CNGA2: variants seen among roughly 807,000 people sequenced by gnomAD.
The protein encoded by CNGA2 is cyclic nucleotide-gated channel alpha-2.
A neutral mutation model predicts 35.9 loss-of-function variants in CNGA2; 22 were observed. That is an observed-to-expected ratio of 0.61 (90% CI 0.44 to 0.88). The LOEUF (loss-of-function observed/expected upper bound fraction) is 0.88, where lower values mean the gene tolerates loss of function less well. Among genes scored for constraint, CNGA2 ranks in the 40% least tolerant of loss-of-function variants. CNGA2 has a pLI of 0.00. For missense variants in CNGA2, 555 were observed against 530.8 expected, an observed-to-expected ratio of 1.05 and a Z score of -0.45; for synonymous variants, 217 against 209.2, an observed-to-expected ratio of 1.04 and a Z score of -0.32.
chrX:151,737,912 C>T (rs1193333648), intron 1 of CNGA2, among the ~76,000 whole-genome samples: 2 of 107,088 alleles, frequency 1.9e-5, no homozygotes, highest in Non-Finnish European at 3.9e-5. Flanking sequence ...CCCCACACCT[C>T]CCCAAGCCAC....
In CNGA2 at chrX:151,743,603, T is replaced by C. The variant is rs1395890143; in HGVS notation, c.1100T>C (p.Ile367Thr). 8.3e-7 allele frequency: 1 copy of C among 1,209,305 alleles called. No homozygotes were observed. The highest frequency in any genetic ancestry group is 1.1e-6 in the Non-Finnish European group (1 of 895,181). The change falls in exon 7 of 7, where the codon ATC (isoleucine) becomes ACC (threonine). Residue 367 changes from isoleucine to threonine, a missense_variant. Coordinates refer to ENST00000329903, the MANE Select transcript of CNGA2 (RefSeq NM_005140.3). ...ATTGGCGTCCTCATCTTTGCCACCA[T>C]CGTGGGAAATGTGGGCTCCATGATC... ...FLIGVLIFAT[I>T]VGNVGSMISN...
intron 5 of CNGA2, among the ~76,000 whole-genome samples, chrX:151,741,905 C>T (rs998661923): frequency 4.5e-5 from 5 of 112,093 alleles, no homozygotes; most frequent in African/African-American, 6.5e-5. Flanking sequence ...TCAGACTTAA[C>T]GGCTCTCCCC....
Position 151,736,458 on chromosome X carries a change from A to G in CNGA2, c.-27+1515A>G, listed in dbSNP as rs951657637. On this transcript the variant is annotated intron_variant, in intron 1 of 6. Transcript: ENST00000329903. Reference sequence around the variant, plus strand: ...AGGCTGCTTGGATGTGATAAAGGAAACAAGGAGTTACGGTTGACACCAGGC... The same window carrying G: ...AGGCTGCTTGGATGTGATAAAGGAAGCAAGGAGTTACGGTTGACACCAGGC... 2.7e-5 allele frequency among the ~76,000 whole-genome samples: 3 copies of G among 111,930 alleles called. No homozygotes were observed. The East Asian group carries it at 8.5e-4, about 32-fold the overall frequency.
intron 5 of CNGA2, among the ~76,000 whole-genome samples, chrX:151,741,654 C>T (rs749451511): frequency 2.7e-5 from 3 of 112,571 alleles, no homozygotes; most frequent in Non-Finnish European, 5.6e-5. Flanking sequence ...AAAGGGCAGT[C>T]AGGATCAGCG....
Position 151,738,444 on chromosome X carries a change from C to A in CNGA2, c.-26-14C>A. ...GGTCCTCTGTGACCTTCTTCTTGGCCCTCTTCCTGGCAGATAAGTGCTCTG... is the reference window on the plus strand; with the variant it reads ...GGTCCTCTGTGACCTTCTTCTTGGCACTCTTCCTGGCAGATAAGTGCTCTG... On this transcript the variant is annotated splice_polypyrimidine_tract_variant and intron_variant, in intron 1 of 6. Transcript: ENST00000329903. 9.1e-7 allele frequency: 1 copy of A among 1,099,891 alleles called. No homozygotes were observed. Among genetic ancestry groups the A allele is most frequent in the Non-Finnish European group, 1.3e-6 (1 of 797,419 alleles). 90.6% of individuals were successfully genotyped at this position (1,099,891 alleles called of 1,213,427 possible). A position where few individuals can be genotyped will look rare whatever the true frequency, so the allele number is the denominator to read the frequency against.
chrX:151,739,576 T>A lies in CNGA2; in HGVS notation c.218T>A (p.Val73Glu), dbSNP rs192241740. 1 of 1,209,432 alleles carries A rather than the reference T, an allele frequency of 8.3e-7. No homozygotes were observed. The highest frequency in any genetic ancestry group is 1.8e-5 in the African/African-American group (1 of 57,111). The change falls in exon 4 of 7, where the codon GTG (valine) becomes GAG (glutamate). Residue 73 changes from valine (V) to glutamate (E), a missense_variant. Physicochemically the swap from Val to Glu is moderately radical, Grantham distance 121 (BLOSUM62 -2). Coordinates refer to ENST00000329903, the MANE Select transcript of CNGA2 (RefSeq NM_005140.3). ...RSGFRRIVRL[V>E]GIIREWANKN... Reference sequence around the variant, plus strand: ...CTCACCTCTAGGATAGTTCGCCTGGTGGGGATCATCAGAGAATGGGCCAAC... The same window carrying A: ...CTCACCTCTAGGATAGTTCGCCTGGAGGGGATCATCAGAGAATGGGCCAAC...
Position 151,744,757 on chromosome X carries a change from G to C in CNGA2, c.*259G>C. ...GCCTAAGTCTGAGGAAGGGAGAAGG[G>C]GGCAGCTGTCTGCCAGGAGTCTGGC... On this transcript the variant is annotated 3_prime_UTR_variant, in exon 7 of 7. Coordinates refer to ENST00000329903, the MANE Select transcript of CNGA2 (RefSeq NM_005140.3). The C allele has an allele frequency of 3.2e-6, 1 of 315,880 alleles. No individual in the cohort carries two copies. The highest frequency in any genetic ancestry group is 5.5e-6 in the Non-Finnish European group (1 of 180,479). The allele number at this position is 315,880 out of a possible 1,213,427, so 26.0% of individuals were successfully genotyped here.
intron 3 of CNGA2, 84 bp from the exon 4 acceptor site, chrX:151,739,478 C>A: frequency 1.0e-6 from 1 of 980,770 alleles, no homozygotes. Context: ...TCTTCCTTAG[C>A]AGACAGTGAG....
At chrX:151,740,946 C>T (rs1255142462) in intron 5 of CNGA2, 45 bp downstream of exon 5, 20 of 1,001,745 alleles carry the variant, frequency 2.0e-5, no homozygotes, top group Non-Finnish European at 2.7e-5. Context: ...GCAACCCAGT[C>T]TTCAGACCCC....
intron 5 of CNGA2, 69 bp from the exon 6 acceptor site, chrX:151,742,467 C>T (rs1010964603): frequency 3.7e-6 from 3 of 818,650 alleles, no homozygotes; most frequent in Non-Finnish European, 5.4e-6. Flanking sequence ...ACAGTGAACA[C>T]TCAGTTTGGG....
Position 151,744,097 on chromosome X carries a change from A to G in CNGA2, c.1594A>G (p.Met532Val). 1 of 1,210,979 alleles carries G rather than the reference A, an allele frequency of 8.3e-7. No individual in the cohort carries two copies. Among genetic ancestry groups the G allele is most frequent in the Non-Finnish European group, 1.1e-6 (1 of 895,330 alleles). The stretch of plus-strand genomic sequence containing the variant: ...TATCCTTAACATTAAGGGCAGTAAA[A>G]TGGGCAATCGACGCACAGCTAATAT... The part of the protein sequence containing the change: ...ISILNIKGSK[M>V]GNRRTANIRS... Residue 532 changes from methionine (M) to valine (V), a missense_variant, in exon 7 of 7, where the codon ATG becomes GTG. Physicochemically the swap from Met to Val is conservative, Grantham distance 21. Transcript: ENST00000329903.
At position 151,744,523 on chromosome X, in the gene CNGA2, AGCATTG is replaced by A. The variant is rs201215466; in HGVS notation, c.*28_*33del. ...AGACCTGGGGCCCAACTGCCTCTCCAGCATTGGCCTTGGCCTTGATCCCAGAAGCTA... is the reference window on the plus strand; with the variant it reads ...AGACCTGGGGCCCAACTGCCTCTCCAGCCTTGGCCTTGATCCCAGAAGCTA... On this transcript the variant is annotated 3_prime_UTR_variant, in exon 7 of 7. Coordinates refer to ENST00000329903, the MANE Select transcript of CNGA2 (RefSeq NM_005140.3). The A allele has an allele frequency of 0.099, 111,459 of 1,127,617 alleles. 5,404 individuals are homozygous for A. Among genetic ancestry groups the A allele is most frequent in the African/African-American group, 0.35 (18,919 of 54,137 alleles). The allele number at this position is 1,127,617 out of a possible 1,213,427, so 92.9% of individuals were successfully genotyped here.
chrX:151,740,291 G>A (rs1246094975), intron 4 of CNGA2, among the ~76,000 whole-genome samples: 1 of 112,518 alleles, frequency 8.9e-6, no homozygotes, highest in African/African-American at 3.2e-5. Flanking sequence ...AACATCCCTT[G>A]TCAAAGCAGG....
In CNGA2 at chrX:151,742,984, ATATATATGTG is replaced by A. The variant is rs2015326496; in HGVS notation, c.590-101_590-92del. 5 of 50,301 alleles carry A rather than the reference ATATATATGTG, an allele frequency of 9.9e-5. 1 individual carries two copies. The African/African-American group carries it at 1.2e-3, about 12-fold the overall frequency. 4.1% of individuals were successfully genotyped at this position (50,301 alleles called of 1,213,427 possible). On this transcript the variant is annotated intron_variant, in intron 6 of 6. Transcript: ENST00000329903. Reference sequence around the variant, plus strand: ...TGTATATATATATGTATATATATACATATATATGTGTATATATATATACACATATATATGT... The same window carrying A: ...TGTATATATATATGTATATATATACATATATATATATACACATATATATGT...
rs763400874 is a variant in CNGA2 at position 151,744,756 on chromosome X, G to C, written c.*258G>C. The stretch of plus-strand genomic sequence containing the variant: ...TGCCTAAGTCTGAGGAAGGGAGAAG[G>C]GGGCAGCTGTCTGCCAGGAGTCTGG... On this transcript the variant is annotated 3_prime_UTR_variant, in exon 7 of 7. Coordinates refer to ENST00000329903, the MANE Select transcript of CNGA2 (RefSeq NM_005140.3). The C allele has an allele frequency of 1.3e-5, 4 of 315,288 alleles. No homozygotes were observed. The highest frequency in any genetic ancestry group is 2.2e-5 in the Non-Finnish European group (4 of 180,750). The allele number at this position is 315,288 out of a possible 1,213,427, so 26.0% of individuals were successfully genotyped here.
rs2015231652 is a variant in CNGA2, at chrX:151,734,809, A to T, written c.-161A>T. On this transcript the variant is annotated 5_prime_UTR_variant, in exon 1 of 7. Coordinates refer to ENST00000329903, the MANE Select transcript of CNGA2 (RefSeq NM_005140.3). Reference sequence around the variant, plus strand: ...ACTGTTAGATGCTGCTCAGAAACACAATAGAACATGGACAGAGAAGTGACT... The same window carrying T: ...ACTGTTAGATGCTGCTCAGAAACACTATAGAACATGGACAGAGAAGTGACT... Among the ~76,000 whole-genome samples, 1 of 111,729 alleles carries T rather than the reference A, an allele frequency of 9.0e-6. No homozygotes were observed. Among genetic ancestry groups the T allele is most frequent in the African/African-American group, 3.3e-5 (1 of 30,736 alleles).
chrX:151,741,335 A>G (rs2015303635), intron 5 of CNGA2, among the ~76,000 whole-genome samples: 1 of 111,850 alleles, frequency 8.9e-6, no homozygotes, highest in Admixed American at 9.5e-5. Flanking sequence ...TTTCCTCTAG[A>G]GAAAATTCCC....
Position 151,744,148 on chromosome X carries a change from T to C in CNGA2, c.1645T>C (p.Phe549Leu). Residue 549 changes from phenylalanine to leucine, a missense_variant, in exon 7 of 7, where the codon TTC becomes CTC. By Grantham distance (22) the Phe-to-Leu change is conservative. Transcript: ENST00000329903. Reference sequence around the variant, plus strand: ...CCGCAGCCTGGGCTACTCAGATCTCTTCTGCTTGTCCAAGGATGATCTTAT... The same window carrying C: ...CCGCAGCCTGGGCTACTCAGATCTCCTCTGCTTGTCCAAGGATGATCTTAT... ...NIRSLGYSDLFCLSKDDLMEA... is the reference protein window; with the variant it reads ...NIRSLGYSDLLCLSKDDLMEA... The C allele has an allele frequency of 8.3e-7, 1 of 1,210,739 alleles. No individual in the cohort carries two copies. Among genetic ancestry groups the C allele is most frequent in the South Asian group, 1.8e-5 (1 of 56,840 alleles).
At position 151,743,402 on chromosome X, in the gene CNGA2, T is replaced by C. The variant is rs368109097; in HGVS notation, c.899T>C (p.Ile300Thr). The change falls in exon 7 of 7, where the codon ATA (isoleucine) becomes ACA (threonine). Residue 300 changes from isoleucine (I) to threonine (T), a missense_variant. Ile to Thr is a moderately conservative substitution (Grantham distance 89). Coordinates refer to ENST00000329903, the MANE Select transcript of CNGA2 (RefSeq NM_005140.3). ...ACIYYAISKSIGFGVDTWVYP... is the reference protein window; with the variant it reads ...ACIYYAISKSTGFGVDTWVYP... The stretch of plus-strand genomic sequence containing the variant: ...ATCTATTATGCCATCTCCAAATCCA[T>C]AGGCTTTGGGGTCGACACCTGGGTT... The C allele has an allele frequency of 7.4e-6, 9 of 1,210,040 alleles. No homozygotes were observed. The highest frequency in any genetic ancestry group is 3.5e-5 in the African/African-American group (2 of 57,203).
Sources: allele counts gnomAD v4.1 joint callset (sites outside exome capture counted in the v4.1 genomes callset), GRCh38; gene constraint gnomAD v4.1.1; transcripts MANE v1.5; gene names NCBI Gene and HGNC (gene_info 2026-07-23, HGNC 2026-07-21).